BNC2: variants seen among roughly 807,000 people sequenced by gnomAD.
The protein encoded by BNC2 is zinc finger protein basonuclin-2.
Under a neutral mutation model 76.3 loss-of-function variants are expected in BNC2, and 20 were observed. The observed-to-expected ratio is 0.26, with a 90% confidence interval of 0.18 to 0.38. The LOEUF (loss-of-function observed/expected upper bound fraction) is 0.38, where lower values mean the gene tolerates loss of function less well. BNC2 is among the 10% of genes least tolerant of loss of function. The probability of loss-of-function intolerance (pLI) is 1.00; values close to 1 mark genes in which losing one functional copy is unlikely to be tolerated. For synonymous variants in BNC2, 582 were observed against 514.8 expected (o/e 1.13, Z -1.77); for missense variants, 1,382 against 1,399.8 (o/e 0.99, Z 0.20).
In BNC2 at chr9:16,568,709, C is replaced by A. The variant is rs536690534; in HGVS notation, c.433+14274G>T. On this transcript the variant is annotated intron_variant, in intron 4 of 6. Coordinates refer to ENST00000380672, the MANE Select transcript of BNC2 (RefSeq NM_017637.6). The stretch of plus-strand genomic sequence containing the variant: ...ATTGTAAGCTAGATCCTAATAAAAG[C>A]CTTAACACTTGGGGAGAACATTAAT... 2.0e-5 allele frequency among the ~76,000 whole-genome samples: 3 copies of A among 152,164 alleles called. No individual in the cohort carries two copies. In the East Asian group the frequency reaches 5.8e-4, roughly 29 times the overall value.
At chr9:16,612,776 A>G (rs1007577335) in intron 3 of BNC2, among the ~76,000 whole-genome samples, 5 of 152,152 alleles carry the variant, frequency 3.3e-5, no homozygotes, top group Non-Finnish European at 7.3e-5. Flanking sequence ...ACTTCTATTG[A>G]GGTAATGAGA....
chr9:16,755,440 T>C (rs1294871395), intron 1 of BNC2, among the ~76,000 whole-genome samples: 1 of 152,080 alleles, frequency 6.6e-6, no homozygotes, highest in Non-Finnish European at 1.5e-5. Context: ...CCAGGAAAAG[T>C]AGTCAAAAGA....
chr9:16,473,977 G>A (rs1195088978), intron 5 of BNC2, among the ~76,000 whole-genome samples: 1 of 152,186 alleles, frequency 6.6e-6, no homozygotes, highest in Admixed American at 6.6e-5. Flanking sequence ...CACTCAGGGG[G>A]CAGTCATGTG....
chr9:16,504,354 T>TGAATACATGTATTAATACATTTATTA (rs1448601379), intron 5 of BNC2, among the ~76,000 whole-genome samples: 1 of 150,292 alleles, frequency 6.7e-6, no homozygotes, highest in African/African-American at 2.5e-5. Flanking sequence ...TATTCCAGAA[T>TGAATACATGTATTAATACATTTATTA]CCAAGTCCAC....
chr9:16,693,534 C>T (rs1414364458), intron 3 of BNC2, among the ~76,000 whole-genome samples: 5 of 152,240 alleles, frequency 3.3e-5, no homozygotes, highest in African/African-American at 1.2e-4. Context: ...AAGCCCTCCA[C>T]GTGATGCTGA....
At chr9:16,863,303 C>A (rs1262033618) in intron 1 of BNC2, among the ~76,000 whole-genome samples, 1 of 152,172 alleles carries the variant, frequency 6.6e-6, no homozygotes, top group African/African-American at 2.4e-5. Flanking sequence ...ATTTAGCATC[C>A]CACCTGGGGG....
intron 3 of BNC2, among the ~76,000 whole-genome samples, chr9:16,703,910 C>T (rs946750620): frequency 6.6e-6 from 1 of 152,026 alleles, no homozygotes; most frequent in African/African-American, 2.4e-5. Flanking sequence ...CACTCACACA[C>T]ACATACAAGT....
rs1825180508 is a variant in BNC2 at position 16,751,171 on chromosome 9, C to CT, written c.4-12687dup. 2.0e-5 allele frequency among the ~76,000 whole-genome samples: 3 copies of CT among 146,906 alleles called. No homozygotes were observed. In the South Asian group the frequency reaches 6.4e-4, roughly 31 times the overall value. On this transcript the variant is annotated intron_variant, in intron 1 of 6. Transcript: ENST00000380672. ...AAAACATTTAAAACATCACTGAAGT[C>CT]TAAAAAAAAACTACAAAACTGTGAA...
chr9:16,832,835 C>T (rs2136035230), intron 1 of BNC2, among the ~76,000 whole-genome samples: 1 of 152,114 alleles, frequency 6.6e-6, no homozygotes, highest in African/African-American at 2.4e-5. Context: ...AAGCGATTCT[C>T]CTGCCTCAGC....
chr9:16,467,633 G>A (rs1456298282), intron 5 of BNC2, among the ~76,000 whole-genome samples: 2 of 143,286 alleles, frequency 1.4e-5, no homozygotes, highest in Non-Finnish European at 3.0e-5. Context: ...ACTGAACAAT[G>A]AGATCACATG....
chr9:16,659,606 CAA>C (rs779661465), intron 3 of BNC2, among the ~76,000 whole-genome samples: 59 of 122,922 alleles, frequency 4.8e-4, no homozygotes, highest in African/African-American at 1.5e-3. Flanking sequence ...GACTCCGTCT[CAA>C]AAAAAAAAAA....
At chr9:16,764,281 T>C (rs1421753000) in intron 1 of BNC2, among the ~76,000 whole-genome samples, 1 of 152,212 alleles carries the variant, frequency 6.6e-6, no homozygotes, top group African/African-American at 2.4e-5. Flanking sequence ...GGCATAAAGA[T>C]TGTATTTTCT....
chr9:16,605,387 G>A (rs1286921537), intron 3 of BNC2, among the ~76,000 whole-genome samples: 9 of 152,180 alleles, frequency 5.9e-5, no homozygotes, highest in African/African-American at 9.7e-5. Flanking sequence ...AGGGTATCAC[G>A]CTATCATTAT....
intron 1 of BNC2, among the ~76,000 whole-genome samples, chr9:16,777,520 G>C (rs1355521803): frequency 6.6e-6 from 1 of 152,014 alleles, no homozygotes. Flanking sequence ...CTTACACAGT[G>C]AAACCCCGTC....
At chr9:16,615,241 G>C (rs1169649043) in intron 3 of BNC2, among the ~76,000 whole-genome samples, 2 of 152,030 alleles carry the variant, frequency 1.3e-5, no homozygotes, top group Admixed American at 6.6e-5. Flanking sequence ...TAATTTTAGA[G>C]TCAGCATTTC....
At chr9:16,754,805 G>T (rs1209525576) in intron 1 of BNC2, among the ~76,000 whole-genome samples, 1 of 152,166 alleles carries the variant, frequency 6.6e-6, no homozygotes, top group Non-Finnish European at 1.5e-5. Flanking sequence ...TGATCTGCCT[G>T]CCTCAGCCTC....
chr9:16,492,020 G>C (rs529972510), intron 5 of BNC2, among the ~76,000 whole-genome samples: 1 of 151,934 alleles, frequency 6.6e-6, no homozygotes, highest in East Asian at 1.9e-4. Flanking sequence ...CTACAAATAC[G>C]ATTTTATCAT....
At chr9:16,634,951 A>C (rs1301977439) in intron 3 of BNC2, among the ~76,000 whole-genome samples, 1 of 152,064 alleles carries the variant, frequency 6.6e-6, no homozygotes, top group Admixed American at 6.6e-5. Flanking sequence ...CATTATGGAC[A>C]TTGTAGCTTG....
At chr9:16,598,695 T>C (rs1820161299) in intron 3 of BNC2, among the ~76,000 whole-genome samples, 1 of 152,158 alleles carries the variant, frequency 6.6e-6, no homozygotes, top group African/African-American at 2.4e-5. Context: ...TATGTTCCCC[T>C]CCACCATTCT....
Sources: gnomAD v4.1 joint callset for allele counts (sites outside exome capture counted in the v4.1 genomes callset) on GRCh38, gnomAD v4.1.1 for gene constraint, MANE v1.5 for transcripts, NCBI Gene and HGNC (gene_info 2026-07-23, HGNC 2026-07-21) for gene names.